The following CTCFL variants were observed in gnomAD, a reference collection of about 807,000 sequenced individuals.
The protein encoded by CTCFL is CCCTC-binding factor like, also known as transcriptional repressor CTCFL.
CTCFL carries 36 observed loss-of-function variants against 67.4 expected under a neutral mutation model. The ratio of observed to expected loss-of-function variants is 0.53; its 90% CI spans 0.41 to 0.71. CTCFL has a LOEUF of 0.71. Ranked by LOEUF, CTCFL falls within the 30% of genes least tolerant of loss-of-function variation. The probability of loss-of-function intolerance (pLI) is 0.00; values close to 1 mark genes in which losing one functional copy is unlikely to be tolerated. For missense variants in CTCFL, 786 were observed against 835.2 expected (o/e 0.94, Z 0.73); for synonymous variants, 324 against 302.3 (o/e 1.07, Z -0.75).
Position 57,503,434 on chromosome 20 carries a change from ACCGTCT to A in CTCFL, c.1836_1840+1del. 1 of 1,614,100 alleles carries A rather than the reference ACCGTCT, an allele frequency of 6.2e-7. No individual in the cohort carries two copies. The highest frequency in any genetic ancestry group is 8.5e-7 in the Non-Finnish European group (1 of 1,179,970). Reference sequence around the variant, plus strand: ...AAAAACAAATCTGCGTAAAATCAGTACCGTCTCCGTTCGCGGCTTCCTTCCATCCCT... The same window carrying A: ...AAAAACAAATCTGCGTAAAATCAGTACCGTTCGCGGCTTCCTTCCATCCCT... On this transcript the variant is annotated splice_donor_variant and coding_sequence_variant, in exon 10 of 11. Transcript: ENST00000243914. LOFTEE classifies it high-confidence loss of function.
rs2068706206 is a variant in CTCFL at position 57,513,653 on chromosome 20, G to A, written c.1331-901C>T. 5 of 1,179,552 alleles carry A rather than the reference G, an allele frequency of 4.2e-6. No homozygotes were observed. In the African/African-American group the frequency reaches 6.4e-5, roughly 15 times the overall value. 73.1% of individuals were successfully genotyped at this position (1,179,552 alleles called of 1,614,324 possible). Reference sequence around the variant, plus strand: ...TGTTTTGTGATGTGCTGGTATCTACGGCAACAATGACAGAATGGTCCAGAT... The same window carrying A: ...TGTTTTGTGATGTGCTGGTATCTACAGCAACAATGACAGAATGGTCCAGAT... On this transcript the variant is annotated intron_variant, in intron 7 of 10. Transcript: ENST00000243914.
chr20:57,524,731 G>C (rs761077382), intron 1 of CTCFL: 1 of 992,278 alleles, frequency 1.0e-6, no homozygotes, highest in Non-Finnish European at 1.2e-6. Context: ...CCTCGTGCAC[G>C]GTTCTAGACC....
intron 5 of CTCFL, among the ~76,000 whole-genome samples, chr20:57,517,764 C>T (rs1428015916): frequency 1.3e-5 from 2 of 151,870 alleles, no homozygotes; most frequent in East Asian, 1.9e-4. Flanking sequence ...CCACAGGCTG[C>T]GTGCAGACCA....
chr20:57,512,951 C>T (rs2068662533), intron 7 of CTCFL, among the ~76,000 whole-genome samples, 199 bp from the exon 8 acceptor site: 1 of 152,174 alleles, frequency 6.6e-6, no homozygotes, highest in African/African-American at 2.4e-5. Context: ...ATGCCAGCAG[C>T]ACCTCTTTCT....
chr20:57,503,358 A>G, intron 10 of CTCFL, 78 bp downstream of exon 10: 3 of 1,537,848 alleles, frequency 2.0e-6, no homozygotes, highest in South Asian at 2.3e-5. Flanking sequence ...TCCCCTGGAC[A>G]GTAACACTCG....
At chr20:57,507,831 A>G (rs1437947716) in intron 9 of CTCFL, 1 of 703,046 alleles carries the variant, frequency 1.4e-6, no homozygotes, top group Admixed American at 2.0e-5. Flanking sequence ...AAGCCACTCC[A>G]TTTTGAGGTA....
intron 10 of CTCFL, among the ~76,000 whole-genome samples, chr20:57,502,993 C>T (rs2067996802): frequency 6.6e-6 from 1 of 152,168 alleles, no homozygotes; most frequent in African/African-American, 2.4e-5. Flanking sequence ...AATGGTGGAG[C>T]CACCAGAGTT....
intron 9 of CTCFL, among the ~76,000 whole-genome samples, 165 bp downstream of exon 9, chr20:57,508,441 T>C (rs1374771889): frequency 3.3e-5 from 5 of 152,050 alleles, no homozygotes; most frequent in Non-Finnish European, 5.9e-5. Flanking sequence ...TTCAAGAATT[T>C]TGTGATTTTA....
intron 5 of CTCFL, among the ~76,000 whole-genome samples, chr20:57,516,166 T>C (rs1316158596): frequency 2.1e-5 from 3 of 140,748 alleles, no homozygotes; most frequent in African/African-American, 7.6e-5. Flanking sequence ...ATATGCTCAA[T>C]AGTTACAAAA....
chr20:57,497,562 G>C lies in CTCFL; in HGVS notation c.*988C>G, dbSNP rs2067741268. The C allele has an allele frequency of 2.0e-6, 2 of 985,416 alleles. No individual in the cohort carries two copies. The highest frequency in any genetic ancestry group is 2.4e-6 in the Non-Finnish European group (2 of 829,930). 61.0% of individuals were successfully genotyped at this position (985,416 alleles called of 1,614,324 possible). A position where few individuals can be genotyped will look rare whatever the true frequency, so the allele number is the denominator to read the frequency against. On this transcript the variant is annotated 3_prime_UTR_variant, in exon 11 of 11. Transcript: ENST00000243914. ...GTATCCAGATAGAAATGAATTTCAAGTGTTAAAGAGGCATCTCTCACGCTG... is the reference window on the plus strand; with the variant it reads ...GTATCCAGATAGAAATGAATTTCAACTGTTAAAGAGGCATCTCTCACGCTG...
chr20:57,515,782 T>C lies in CTCFL; in HGVS notation c.1112A>G (p.Gln371Arg). The C allele has an allele frequency of 1.2e-6, 2 of 1,614,154 alleles. No individual in the cohort carries two copies. The highest frequency in any genetic ancestry group is 2.2e-5 in the South Asian group (2 of 91,086). The change falls in exon 6 of 11, where the codon CAG becomes CGG. Residue 371 changes from glutamine to arginine, a missense_variant. By Grantham distance (43) the Gln-to-Arg change is conservative. This residue lies in a region of CTCFL where 254 missense variants were observed against 333.9 expected (regional missense o/e 0.76). Coordinates refer to ENST00000243914, the MANE Select transcript of CTCFL (RefSeq NM_001386993.1). ...VRSHTGERPF[Q>R]CCQCSYASRD... ...GCTGGCATAGCTGCACTGGCAACACTGAAAGGGGCGCTCCCCAGTGTGGGA... is the reference window on the plus strand; with the variant it reads ...GCTGGCATAGCTGCACTGGCAACACCGAAAGGGGCGCTCCCCAGTGTGGGA...
At chr20:57,508,867 C>T in intron 8 of CTCFL, 79 bp from the exon 9 acceptor site, 1 of 1,261,566 alleles carries the variant, frequency 7.9e-7, no homozygotes, top group East Asian at 2.3e-5. Flanking sequence ...TCATACAATA[C>T]CTTTTATTTC....
chr20:57,517,274 G>A (rs1176036796), intron 5 of CTCFL, among the ~76,000 whole-genome samples: 1 of 149,560 alleles, frequency 6.7e-6, no homozygotes, highest in Non-Finnish European at 1.5e-5. Context: ...GACAATGGGA[G>A]TTCAAATGCT....
At chr20:57,515,593 A>T (rs758437611) in intron 6 of CTCFL, 121 bp downstream of exon 6, 3 of 1,210,546 alleles carry the variant, frequency 2.5e-6, no homozygotes, top group African/African-American at 3.0e-5. Context: ...TTTATCATGA[A>T]GGCACGCAAA....
At chr20:57,505,593 A>T (rs2068163960) in intron 9 of CTCFL, among the ~76,000 whole-genome samples, 1 of 152,218 alleles carries the variant, frequency 6.6e-6, no homozygotes, top group Non-Finnish European at 1.5e-5. Flanking sequence ...TACTCTCTAA[A>T]GTGAAGACTG....
chr20:57,499,083 GT>G (rs1163756472), intron 10 of CTCFL, among the ~76,000 whole-genome samples: 586 of 42,064 alleles, frequency 0.014, 7 homozygotes, highest in African/African-American at 0.074. Context: ...CGGGGGGGGG[GT>G]GGGGGGGGGA....
intron 7 of CTCFL, among the ~76,000 whole-genome samples, chr20:57,514,259 C>T (rs1336832863): frequency 6.6e-6 from 1 of 152,160 alleles, no homozygotes. Flanking sequence ...TCGTATGACT[C>T]CCAGGCAGGT....
chr20:57,515,961 C>T, intron 5 of CTCFL, 127 bp from the exon 6 acceptor site: 1 of 1,092,688 alleles, frequency 9.2e-7, no homozygotes, highest in Admixed American at 2.7e-5. Context: ...GAGCATATTT[C>T]ACTCACTGAA....
At chr20:57,518,195 T>C (rs932168154) in intron 5 of CTCFL, among the ~76,000 whole-genome samples, 29 of 152,212 alleles carry the variant, frequency 1.9e-4, no homozygotes, top group African/African-American at 6.5e-4. Flanking sequence ...TACTGACTAG[T>C]AAAAGCAGTG....
Sources: allele counts gnomAD v4.1 joint callset (sites outside exome capture counted in the v4.1 genomes callset), GRCh38; gene constraint gnomAD v4.1.1; regional missense constraint gnomAD v4.1.1; transcripts MANE v1.5; gene names NCBI Gene and HGNC (gene_info 2026-07-23, HGNC 2026-07-21).